TRMT44: variants seen among roughly 807,000 people sequenced by gnomAD.
TRMT44 encodes tRNA methyltransferase 44 homolog.
TRMT44 carries 78 observed loss-of-function variants against 77.3 expected under a neutral mutation model. That is an observed-to-expected ratio of 1.01 (90% CI 0.84 to 1.22). The LOEUF (loss-of-function observed/expected upper bound fraction) is 1.22. Among genes scored for constraint, TRMT44 ranks in the 50% most tolerant of loss-of-function variants. The pLI, the probability that TRMT44 is intolerant of heterozygous loss-of-function variation, is 0.00. For synonymous variants in TRMT44, 391 were observed against 383.3 expected, an observed-to-expected ratio of 1.02 and a Z score of -0.23; for missense variants, 1,090 against 964.4, an observed-to-expected ratio of 1.13 and a Z score of -1.73.
At chr4:8,455,449 CTG>C (rs898653423) in intron 6 of TRMT44, among the ~76,000 whole-genome samples, 1 of 152,248 alleles carries the variant, frequency 6.6e-6, no homozygotes, top group African/African-American at 2.4e-5. Flanking sequence ...GTAGGGCAGA[CTG>C]TGCAGTCCCA....
At chr4:8,464,335 A>C (rs1726377152) in intron 7 of TRMT44, among the ~76,000 whole-genome samples, 1 of 152,208 alleles carries the variant, frequency 6.6e-6, no homozygotes. Context: ...GATTGTTCAC[A>C]TTATATCTCT....
intron 2 of TRMT44, among the ~76,000 whole-genome samples, chr4:8,489,370 A>T (rs965023961): frequency 2.6e-5 from 4 of 152,238 alleles, no homozygotes; most frequent in Non-Finnish European, 5.9e-5. Flanking sequence ...AAGAGATCTG[A>T]GCTAACCCAC....
At chr4:8,509,537 C>T in the TRMT44 span, 427 of 152,890 alleles carry the variant, frequency 2.8e-3, 2 homozygotes, top group South Asian at 0.029. Flanking sequence ...GGGGCACTCC[C>T]AGCTGCCGGG....
In TRMT44 at chr4:8,465,540, C is replaced by G. The variant is rs1726481326; in HGVS notation, c.1473C>G (p.Leu491=). The G allele has an allele frequency of 6.2e-7, 1 of 1,613,058 alleles. No homozygotes were observed. Reference sequence around the variant, plus strand: ...GGTTTCACGTGGACGAAGACTGCCTCAGGATTCCTTCAACCAAAAGAGTAT... The same window carrying G: ...GGTTTCACGTGGACGAAGACTGCCTGAGGATTCCTTCAACCAAAAGAGTAT... The part of the protein sequence containing the change: ...TCGFHVDEDC[L]RIPSTKRVCL... The change falls in exon 8 of 11, where the codon CTC becomes CTG. Residue 491 remains leucine, a synonymous_variant. Coordinates refer to ENST00000389737, the MANE Select transcript of TRMT44 (RefSeq NM_152544.3).
At position 8,476,300 on chromosome 4, in the gene TRMT44, A is replaced by G. The variant is rs367580927; in HGVS notation, c.*299A>G. On this transcript the variant is annotated 3_prime_UTR_variant, in exon 11 of 11. Coordinates refer to ENST00000389737, the MANE Select transcript of TRMT44 (RefSeq NM_152544.3). ...GGATCCTTACAATGTCTCCTGGGGG[A>G]GAGCGGCTGAGGCTGCCTTGCACAG... 6.0e-4 allele frequency: 250 copies of G among 415,560 alleles called. 1 individual carries two copies. In the East Asian group the frequency reaches 8.4e-3, roughly 14 times the overall value. The allele number at this position is 415,560 out of a possible 1,614,324, so 25.7% of individuals were successfully genotyped here.
intron 8 of TRMT44, among the ~76,000 whole-genome samples, chr4:8,466,145 G>A (rs920663779): frequency 1.3e-5 from 2 of 152,224 alleles, no homozygotes; most frequent in Admixed American, 6.5e-5. Flanking sequence ...AGTGTTTACA[G>A]CAGCTCACCT....
chr4:8,491,445 T>C (rs1041746505), intron 2 of TRMT44, among the ~76,000 whole-genome samples: 2 of 152,140 alleles, frequency 1.3e-5, no homozygotes, highest in African/African-American at 4.8e-5. Context: ...TGGGACTGGG[T>C]GCCGTGGAGC....
At chr4:8,503,828 C>G in the TRMT44 span, among the ~76,000 whole-genome samples, 1 of 152,212 alleles carries the variant, frequency 6.6e-6, no homozygotes, top group Non-Finnish European at 1.5e-5. Flanking sequence ...CTTCACCCTC[C>G]TAAATGTTGG....
chr4:8,462,710 A>C (rs926900559), intron 6 of TRMT44, among the ~76,000 whole-genome samples: 2 of 152,184 alleles, frequency 1.3e-5, no homozygotes, highest in African/African-American at 4.8e-5. Flanking sequence ...TCTCAAAAAC[A>C]ACAACAACAA....
At chr4:8,514,235 A>T in the TRMT44 span, among the ~76,000 whole-genome samples, 1 of 145,462 alleles carries the variant, frequency 6.9e-6, no homozygotes, top group African/African-American at 2.5e-5. Flanking sequence ...CCACAGGACG[A>T]GGCCTGGGCT....
the TRMT44 span, among the ~76,000 whole-genome samples, chr4:8,500,440 G>A: frequency 6.6e-6 from 1 of 151,488 alleles, no homozygotes; most frequent in Non-Finnish European, 1.5e-5. Flanking sequence ...AGGTTGCTGT[G>A]AGCCAAGATA....
chr4:8,480,148 C>G (rs1727568019), downstream of TRMT44, among the ~76,000 whole-genome samples: 1 of 152,184 alleles, frequency 6.6e-6, no homozygotes, highest in South Asian at 2.1e-4. Flanking sequence ...AGCCTCAACT[C>G]TTGCCTCCTT....
intron 5 of TRMT44, among the ~76,000 whole-genome samples, chr4:8,453,988 G>A (rs1399724974): frequency 6.6e-6 from 1 of 152,180 alleles, no homozygotes; most frequent in Admixed American, 6.5e-5. Flanking sequence ...TGGTTGTGGG[G>A]GTGGTAGTGT....
chr4:8,464,164 G>T lies in TRMT44; in HGVS notation c.1310+73G>T, dbSNP rs1362359573. On this transcript the variant is annotated intron_variant, in intron 7 of 10. Coordinates refer to ENST00000389737, the MANE Select transcript of TRMT44 (RefSeq NM_152544.3). ...CTTCTAAACAGTGGTGTCCAAAAGGGTAGCCACTAGCTGCGTGCAGTTGTC... is the reference window on the plus strand; with the variant it reads ...CTTCTAAACAGTGGTGTCCAAAAGGTTAGCCACTAGCTGCGTGCAGTTGTC... The T allele has an allele frequency of 1.9e-4, 239 of 1,233,672 alleles. No homozygotes were observed. Among genetic ancestry groups the T allele is most frequent in the Middle Eastern group, 1.9e-4 (1 of 5,266 alleles). 76.4% of individuals were successfully genotyped at this position (1,233,672 alleles called of 1,614,324 possible).
At chr4:8,462,303 C>T (rs183629066) in intron 6 of TRMT44, among the ~76,000 whole-genome samples, 15 of 152,240 alleles carry the variant, frequency 9.9e-5, no homozygotes, top group African/African-American at 2.4e-4. Context: ...CCTAGCTACT[C>T]GGGAGGCTGA....
chr4:8,499,957 A>G, the TRMT44 span, among the ~76,000 whole-genome samples: 1 of 152,196 alleles, frequency 6.6e-6, no homozygotes, highest in Admixed American at 6.5e-5. Context: ...CTATGGGCGC[A>G]GTGGCTCATG....
intron 1 of TRMT44, among the ~76,000 whole-genome samples, chr4:8,445,476 C>T (rs1285561332): frequency 6.6e-6 from 1 of 152,240 alleles, no homozygotes; most frequent in Non-Finnish European, 1.5e-5. Context: ...CCACGCCACT[C>T]ACCTCCATTC....
chr4:8,491,983 C>G (rs1020933427), intron 2 of TRMT44, among the ~76,000 whole-genome samples: 3 of 152,256 alleles, frequency 2.0e-5, no homozygotes, highest in African/African-American at 7.2e-5. Flanking sequence ...AACTCAGTCT[C>G]CCACATGGCG....
chr4:8,469,903 A>G (rs570313542), intron 9 of TRMT44, among the ~76,000 whole-genome samples: 3 of 152,178 alleles, frequency 2.0e-5, no homozygotes, highest in Non-Finnish European at 4.4e-5. Flanking sequence ...GACCTCACCC[A>G]TCCTAGCTCG....
Sources: gnomAD v4.1 joint callset for allele counts (sites outside exome capture counted in the v4.1 genomes callset) on GRCh38, gnomAD v4.1.1 for gene constraint, MANE v1.5 for transcripts, NCBI Gene and HGNC (gene_info 2026-07-23, HGNC 2026-07-21) for gene names.